The following CXCL17 variants were observed in gnomAD, a reference collection of about 807,000 sequenced individuals.
CXCL17 encodes C-X-C motif chemokine 17.
CXCL17 carries 9 observed loss-of-function variants against 15.5 expected under a neutral mutation model. The observed-to-expected ratio is 0.58, with a 90% CI of 0.35 to 1.01. CXCL17 has a LOEUF of 1.01. Among genes scored for constraint, CXCL17 ranks in the 50% least tolerant of loss-of-function variants. CXCL17 has a pLI of 0.02. For synonymous variants in CXCL17, 52 were observed against 52.3 expected, an observed-to-expected ratio of 0.99 and a Z score of 0.02; for missense variants, 133 against 138.2, an observed-to-expected ratio of 0.96 and a Z score of 0.19.
chr19:42,438,405 T>TATATATATATATAA, intron 1 of CXCL17, among the ~76,000 whole-genome samples: 1 of 66,880 alleles, frequency 1.5e-5, no homozygotes, highest in Non-Finnish European at 2.8e-5. Flanking sequence ...TATATATATA[T>TATATATATATATAA]AAAATACACA....
intron 1 of CXCL17, among the ~76,000 whole-genome samples, chr19:42,438,381 A>AAATATTTATATATATATATAT (rs1555793041): frequency 1.6e-5 from 1 of 63,860 alleles, no homozygotes; most frequent in African/African-American, 7.6e-5. Context: ...AAAAAAAAAA[A>AAATATTTATATATATATATAT]ATATATATAT....
chr19:42,429,031 TTTC>T (rs1232582714), intron 3 of CXCL17, 50 bp from the exon 4 acceptor site: 1 of 1,445,400 alleles, frequency 6.9e-7, no homozygotes, highest in Non-Finnish European at 9.7e-7. Context: ...ATTTTTAACA[TTTC>T]TTTTTTTTTT....
At chr19:42,435,425 A>C (rs935948215) in intron 1 of CXCL17, among the ~76,000 whole-genome samples, 1 of 152,188 alleles carries the variant, frequency 6.6e-6, no homozygotes, top group African/African-American at 2.4e-5. Flanking sequence ...TGTTGAATCC[A>C]TAACCCCCAG....
intron 1 of CXCL17, among the ~76,000 whole-genome samples, chr19:42,439,436 G>C (rs1255871833): frequency 6.6e-6 from 1 of 151,214 alleles, no homozygotes; most frequent in Non-Finnish European, 1.5e-5. Context: ...TTAAAAGTAT[G>C]ATGATGCCAT....
At chr19:42,441,117 C>A (rs1010524576) in intron 1 of CXCL17, among the ~76,000 whole-genome samples, 1 of 152,130 alleles carries the variant, frequency 6.6e-6, no homozygotes, top group African/African-American at 2.4e-5. Context: ...GAGTACTGAG[C>A]TGGATAGCGT....
chr19:42,432,939 A>T, intron 3 of CXCL17, 37 bp downstream of exon 3: 2 of 1,484,126 alleles, frequency 1.3e-6, no homozygotes, highest in Non-Finnish European at 1.9e-6. Context: ...TCACGGAGTG[A>T]CTCTGGTATA....
chr19:42,431,819 G>C (rs1387361980), intron 3 of CXCL17, among the ~76,000 whole-genome samples: 11 of 151,970 alleles, frequency 7.2e-5, no homozygotes, highest in Admixed American at 7.2e-4. Flanking sequence ...AGGATTATAG[G>C]CCTGAGCCAC....
chr19:42,431,085 CT>C (rs1210798747), intron 3 of CXCL17, among the ~76,000 whole-genome samples: 2 of 152,236 alleles, frequency 1.3e-5, no homozygotes, highest in African/African-American at 4.8e-5. Context: ...GGTGATCCCC[CT>C]GCCTTGGCCT....
intron 3 of CXCL17, among the ~76,000 whole-genome samples, chr19:42,429,475 C>A (rs950636041): frequency 6.6e-6 from 1 of 151,794 alleles, no homozygotes; most frequent in Non-Finnish European, 1.5e-5. Context: ...ATTACAGGCA[C>A]CCACCATCAT....
intron 3 of CXCL17, among the ~76,000 whole-genome samples, chr19:42,431,360 T>C (rs1392765224): frequency 2.6e-5 from 4 of 152,238 alleles, no homozygotes; most frequent in Non-Finnish European, 5.9e-5. Context: ...GTTACAGATA[T>C]CGTCTCCTAT....
intron 2 of CXCL17, among the ~76,000 whole-genome samples, chr19:42,433,414 G>A (rs909121669): frequency 1.3e-5 from 2 of 152,180 alleles, no homozygotes; most frequent in African/African-American, 4.8e-5. Context: ...AAGCCATTTT[G>A]CCTCTCTGCT....
intron 1 of CXCL17, among the ~76,000 whole-genome samples, chr19:42,438,623 G>C (rs1328424249): frequency 6.6e-6 from 1 of 151,738 alleles, no homozygotes; most frequent in African/African-American, 2.4e-5. Context: ...AGAAGCACCA[G>C]CACCTACTAG....
chr19:42,430,017 A>C (rs2040761639), intron 3 of CXCL17, among the ~76,000 whole-genome samples: 1 of 151,700 alleles, frequency 6.6e-6, no homozygotes, highest in South Asian at 2.1e-4. Flanking sequence ...AAATACAAAA[A>C]TTAGCCAGGC....
intron 1 of CXCL17, among the ~76,000 whole-genome samples, chr19:42,436,798 AT>A (rs1364448381): frequency 1.3e-5 from 2 of 152,086 alleles, no homozygotes; most frequent in African/African-American, 4.8e-5. Context: ...ATGTTGGTAA[AT>A]TTCTTTGTTC....
intron 1 of CXCL17, among the ~76,000 whole-genome samples, 193 bp downstream of exon 1, chr19:42,442,561 C>G (rs1414934225): frequency 6.6e-6 from 1 of 152,136 alleles, no homozygotes; most frequent in Non-Finnish European, 1.5e-5. Flanking sequence ...CATACAATAT[C>G]TCGTTTAACT....
chr19:42,433,727 G>T, intron 2 of CXCL17, 49 bp downstream of exon 2: 1 of 1,492,956 alleles, frequency 6.7e-7, no homozygotes, highest in Non-Finnish European at 9.3e-7. Context: ...AAGGGAGAGA[G>T]CTGGGGTCAT....
At chr19:42,431,516 C>T (rs1267791348) in intron 3 of CXCL17, among the ~76,000 whole-genome samples, 1 of 152,010 alleles carries the variant, frequency 6.6e-6, no homozygotes, top group Non-Finnish European at 1.5e-5. Flanking sequence ...TGAATATATT[C>T]TCCTGTATTT....
At chr19:42,438,519 C>G (rs1216098792) in intron 1 of CXCL17, among the ~76,000 whole-genome samples, 1 of 150,932 alleles carries the variant, frequency 6.6e-6, no homozygotes, top group East Asian at 1.9e-4. Context: ...TTTTGGACCA[C>G]TGTTGGCGGG....
intron 1 of CXCL17, among the ~76,000 whole-genome samples, chr19:42,441,324 A>G (rs1267341488): frequency 6.6e-6 from 1 of 152,194 alleles, no homozygotes; most frequent in African/African-American, 2.4e-5. Context: ...GAGGAACTGA[A>G]GGAAGCTGTG....
Sources: allele counts gnomAD v4.1 joint callset (sites outside exome capture counted in the v4.1 genomes callset), GRCh38; gene constraint gnomAD v4.1.1; transcripts MANE v1.5; gene names NCBI Gene and HGNC (gene_info 2026-07-23, HGNC 2026-07-21).